The following ZNF273 variants were observed in gnomAD, a reference collection of about 807,000 sequenced individuals.
ZNF273 encodes zinc finger protein 273.
In ZNF273, 11 loss-of-function variants were observed where a neutral mutation model predicts 14.9. The ratio of observed to expected loss-of-function variants is 0.74; its 90% CI spans 0.46 to 1.22. The LOEUF (loss-of-function observed/expected upper bound fraction) is 1.22. ZNF273 is among the 50% of genes most tolerant of loss of function. ZNF273 has a pLI of 0.00. For missense variants in ZNF273, 577 were observed against 660.6 expected, an observed-to-expected ratio of 0.87 and a Z score of 1.39; for synonymous variants, 199 against 223.9, an observed-to-expected ratio of 0.89 and a Z score of 0.99.
At chr7:64,935,530 A>G (rs1795052589), downstream of ZNF273, among the ~76,000 whole-genome samples, 1 of 151,816 alleles carries the variant, frequency 6.6e-6, no homozygotes, top group African/African-American at 2.4e-5. Flanking sequence ...TTATTTATTT[A>G]TTTATTTATT....
rs1794867626 is a variant in ZNF273 at position 64,928,364 on chromosome 7, T to C, written c.1036T>C (p.Tyr346His). The C allele has an allele frequency of 6.2e-7, 1 of 1,613,658 alleles. No individual in the cohort carries two copies. The highest frequency in any genetic ancestry group is 1.3e-5 in the African/African-American group (1 of 74,924). Reference protein sequence around the residue: ...HKIIHTGEKPYKCNECGKAFN... With the variant: ...HKIIHTGEKPHKCNECGKAFN... ...GATAATTCATACTGGAGAGAAACCC[T>C]ACAAATGCAATGAATGTGGTAAAGC... The change falls in exon 4 of 4, where the codon TAC becomes CAC. Residue 346 changes from tyrosine to histidine, a missense_variant. Physicochemically the swap from Tyr to His is moderately conservative, Grantham distance 83 (BLOSUM62 2). Around this residue, in one of 3 missense-constraint regions of ZNF273, gnomAD observed 411 missense variants for 440.4 expected, o/e 0.93. Transcript: ENST00000476120.
downstream of ZNF273, among the ~76,000 whole-genome samples, chr7:64,884,688 C>A (rs1158732015): frequency 6.6e-6 from 1 of 152,174 alleles, no homozygotes; most frequent in Non-Finnish European, 1.5e-5. Flanking sequence ...CCGGAGATCC[C>A]TCAACAACTC....
At chr7:64,923,784 G>A (rs1168826470) in intron 3 of ZNF273, 1 of 159,582 alleles carries the variant, frequency 6.3e-6, no homozygotes, top group Non-Finnish European at 1.4e-5. Flanking sequence ...ATATGTGAAA[G>A]TATATATATG....
chr7:64,893,682 TCCCC>T (rs1792179394), downstream of ZNF273: 1 of 68,320 alleles, frequency 1.5e-5, no homozygotes, highest in African/African-American at 5.7e-5. Flanking sequence ...TCCCCACCCC[TCCCC>T]TCCCCCTCCC....
intron 1 of ZNF273, among the ~76,000 whole-genome samples, chr7:64,913,014 A>G (rs1793685367): frequency 6.6e-6 from 1 of 150,832 alleles, no homozygotes; most frequent in African/African-American, 2.4e-5. Context: ...TTTTTAGTAG[A>G]GATGAGGTTT....
chr7:64,914,775 G>A (rs1320523470), intron 1 of ZNF273, among the ~76,000 whole-genome samples: 1 of 152,152 alleles, frequency 6.6e-6, no homozygotes, highest in Non-Finnish European at 1.5e-5. Flanking sequence ...AGTTTTTCAT[G>A]TCATCTGCCT....
chr7:64,897,072 A>G (rs1402105304), intron 3 of ZNF273, among the ~76,000 whole-genome samples: 1 of 152,178 alleles, frequency 6.6e-6, no homozygotes, highest in Non-Finnish European at 1.5e-5. Flanking sequence ...CAGAGAGTAG[A>G]ATGATGATTG....
chr7:64,912,828 T>TTTTTGTTGTTGTTGTTG (rs968750219), intron 1 of ZNF273, among the ~76,000 whole-genome samples: 1 of 77,890 alleles, frequency 1.3e-5, no homozygotes, highest in Non-Finnish European at 2.7e-5. Flanking sequence ...TCATTTTAGT[T>TTTTTGTTGTTGTTGTTG]TTTTTTTTTT....
chr7:64,916,121 G>A (rs949990171), intron 1 of ZNF273, among the ~76,000 whole-genome samples: 2 of 152,082 alleles, frequency 1.3e-5, no homozygotes, highest in African/African-American at 4.8e-5. Flanking sequence ...GCTTGAGCCT[G>A]AGAGGCAGAG....
chr7:64,882,109 G>A (rs1169024896), downstream of ZNF273, among the ~76,000 whole-genome samples: 1 of 152,164 alleles, frequency 6.6e-6, no homozygotes, highest in Non-Finnish European at 1.5e-5. Flanking sequence ...GGGAGGCCGT[G>A]AGCTCAAGGG....
At position 64,919,625 on chromosome 7, in the gene ZNF273, G is replaced by A. The variant is rs1252861823; in HGVS notation, c.325+1333G>A. ...TTCATCCTGGGCAACAGAGCAAAAC[G>A]GTCAAAAAAGATTTTTTACCTGCTT... On this transcript the variant is annotated intron_variant, in intron 3 of 3. Coordinates refer to ENST00000476120, the MANE Select transcript of ZNF273 (RefSeq NM_021148.3). Among the ~76,000 whole-genome samples, 41 of 151,990 alleles carry A rather than the reference G, an allele frequency of 2.7e-4. 1 individual carries two copies. The highest frequency in any genetic ancestry group is 2.5e-3 in the Admixed American group (38 of 15,264).
At chr7:64,925,346 AC>A (rs1332303250) in intron 3 of ZNF273, among the ~76,000 whole-genome samples, 1 of 151,954 alleles carries the variant, frequency 6.6e-6, no homozygotes, top group Non-Finnish European at 1.5e-5. Flanking sequence ...TTTTTGGGGT[AC>A]CTTGGGGATT....
intron 1 of ZNF273, among the ~76,000 whole-genome samples, chr7:64,909,593 C>T (rs1793349915): frequency 6.6e-6 from 1 of 151,432 alleles, no homozygotes; most frequent in South Asian, 2.1e-4. Context: ...TCTTTGCTCA[C>T]AAGTACTATT....
At chr7:64,909,173 T>A (rs1410217242) in intron 1 of ZNF273, among the ~76,000 whole-genome samples, 1 of 151,918 alleles carries the variant, frequency 6.6e-6, no homozygotes, top group African/African-American at 2.4e-5. Context: ...TGCCTTGGCC[T>A]CCCAATGTGC....
downstream of ZNF273, among the ~76,000 whole-genome samples, chr7:64,932,819 G>T (rs1795020768): frequency 2.0e-5 from 3 of 152,062 alleles, no homozygotes; most frequent in African/African-American, 7.2e-5. Context: ...CTACTTTGAA[G>T]GCTGAGGCAG....
At chr7:64,932,556 C>T (rs1390941267), downstream of ZNF273, among the ~76,000 whole-genome samples, 1 of 152,062 alleles carries the variant, frequency 6.6e-6, no homozygotes, top group South Asian at 2.1e-4. Context: ...CGCCCACCTC[C>T]GCCTCCCAGA....
At chr7:64,912,592 A>C (rs994914926) in intron 1 of ZNF273, among the ~76,000 whole-genome samples, 19 of 152,266 alleles carry the variant, frequency 1.2e-4, no homozygotes, top group African/African-American at 4.1e-4. Flanking sequence ...TCAGATGTCC[A>C]AGAGTTCAAG....
downstream of ZNF273, among the ~76,000 whole-genome samples, chr7:64,935,576 G>C (rs1416083988): frequency 2.0e-5 from 3 of 152,102 alleles, no homozygotes; most frequent in African/African-American, 7.2e-5. Flanking sequence ...ATGCTGGAGT[G>C]CAGTGGTGTG....
chr7:64,929,081 T>G lies in ZNF273; in HGVS notation c.*43T>G. On this transcript the variant is annotated 3_prime_UTR_variant, in exon 4 of 4. Transcript: ENST00000476120. ...CAAAGCCTTTAAGCGGTTGTCACACTTGATTGTATATAAGATAATTCATAC... is the reference window on the plus strand; with the variant it reads ...CAAAGCCTTTAAGCGGTTGTCACACGTGATTGTATATAAGATAATTCATAC... The G allele has an allele frequency of 9.4e-7, 1 of 1,063,514 alleles. No individual in the cohort carries two copies. Among genetic ancestry groups the G allele is most frequent in the Non-Finnish European group, 1.1e-6 (1 of 873,408 alleles). The allele number at this position is 1,063,514 out of a possible 1,614,324, so 65.9% of individuals were successfully genotyped here. A position where few individuals can be genotyped will look rare whatever the true frequency, so the allele number is the denominator to read the frequency against.
Sources: allele counts gnomAD v4.1 joint callset (sites outside exome capture counted in the v4.1 genomes callset), GRCh38; gene constraint gnomAD v4.1.1; regional missense constraint gnomAD v4.1.1; transcripts MANE v1.5; gene names NCBI Gene and HGNC (gene_info 2026-07-23, HGNC 2026-07-21).